TGM4: variants seen among roughly 807,000 people sequenced by gnomAD.
The protein encoded by TGM4 is protein-glutamine gamma-glutamyltransferase 4.
A neutral mutation model predicts 76.3 loss-of-function variants in TGM4; 61 were observed. The ratio of observed to expected loss-of-function variants is 0.80; its 90% CI spans 0.65 to 0.99. TGM4 has a LOEUF of 0.99. Ranked by LOEUF, TGM4 falls within the 50% of genes least tolerant of loss-of-function variation. TGM4 has a pLI of 0.00. For synonymous variants in TGM4, 337 were observed against 329.8 expected (o/e 1.02, Z -0.24); for missense variants, 794 against 843.2 (o/e 0.94, Z 0.72).
chr3:44,901,650 G>T lies in TGM4; in HGVS notation c.784G>T (p.Ala262Ser). 1.2e-6 allele frequency: 2 copies of T among 1,614,202 alleles called. No individual in the cohort carries two copies. The highest frequency in any genetic ancestry group is 1.7e-6 in the Non-Finnish European group (2 of 1,180,018). The change falls in exon 7 of 14, where the codon GCT becomes TCT. Residue 262 changes from alanine to serine, a missense_variant. Coordinates refer to ENST00000296125, the MANE Select transcript of TGM4 (RefSeq NM_003241.4). Reference protein sequence around the residue: ...ILQQYYNTKQAVCFGQCWVFA... With the variant: ...ILQQYYNTKQSVCFGQCWVFA... ...GCAGCAGTACTACAACACGAAGCAG[G>T]CTGTGTGCTTTGGCCAGTGCTGGGT...
At chr3:44,900,685 CA>C (rs1407034820) in intron 6 of TGM4, 1 of 152,202 alleles carries the variant, frequency 6.6e-6, no homozygotes, top group Non-Finnish European at 1.5e-5. Context: ...AGGCCACCAC[CA>C]GATCAAAGAT....
chr3:44,913,553 T>C (rs1381159133), intron 13 of TGM4, 31 bp from the exon 14 acceptor site: 7 of 1,600,696 alleles, frequency 4.4e-6, no homozygotes, highest in Non-Finnish European at 6.0e-6. Context: ...CCTTGGCTGA[T>C]TGTATGTCCG....
At chr3:44,889,102 C>G (rs1194977818) in intron 3 of TGM4, 1 of 139,948 alleles carries the variant, frequency 7.1e-6, no homozygotes, top group Non-Finnish European at 1.5e-5. Flanking sequence ...AGTAATCAGC[C>G]AAGGTCATAC....
At chr3:44,905,561 G>A (rs1390926282) in intron 9 of TGM4, among the ~76,000 whole-genome samples, 2 of 152,218 alleles carry the variant, frequency 1.3e-5, no homozygotes, top group African/African-American at 4.8e-5. Context: ...GTCTACTTGG[G>A]AAGATGGGGA....
intron 1 of TGM4, among the ~76,000 whole-genome samples, chr3:44,882,555 T>C (rs561113165): frequency 2.2e-4 from 34 of 152,374 alleles, no homozygotes; most frequent in Non-Finnish European, 3.5e-4. Flanking sequence ...TCTTGGTTTC[T>C]GGTGGCTCCA....
At chr3:44,880,662 G>A (rs1035219247) in intron 1 of TGM4, among the ~76,000 whole-genome samples, 3 of 152,212 alleles carry the variant, frequency 2.0e-5, no homozygotes, top group African/African-American at 2.4e-5. Flanking sequence ...CCTCTCCAGT[G>A]TCACACAGGA....
intron 3 of TGM4, 103 bp downstream of exon 3, chr3:44,887,898 G>A: frequency 9.9e-7 from 1 of 1,009,378 alleles, no homozygotes; most frequent in Non-Finnish European, 1.5e-6. Flanking sequence ...CTGGTAACAT[G>A]GTTTAAAGCC....
At chr3:44,880,217 C>G (rs1022704185) in intron 1 of TGM4, among the ~76,000 whole-genome samples, 1 of 152,148 alleles carries the variant, frequency 6.6e-6, no homozygotes, top group African/African-American at 2.4e-5. Context: ...TATAAGCTCA[C>G]CTTGAGTGTG....
chr3:44,875,643 GC>G (rs1329829852), intron 1 of TGM4, among the ~76,000 whole-genome samples: 1 of 152,118 alleles, frequency 6.6e-6, no homozygotes. Context: ...CAGCCCACAA[GC>G]CCTCTGTAAC....
At chr3:44,886,174 T>C (rs1158282646) in intron 2 of TGM4, among the ~76,000 whole-genome samples, 1 of 152,114 alleles carries the variant, frequency 6.6e-6, no homozygotes, top group Non-Finnish European at 1.5e-5. Flanking sequence ...TGAAACCCTG[T>C]CTCTACTAAA....
At chr3:44,908,135 G>A (rs1699950713) in intron 10 of TGM4, among the ~76,000 whole-genome samples, 1 of 152,214 alleles carries the variant, frequency 6.6e-6, no homozygotes, top group African/African-American at 2.4e-5. Flanking sequence ...AGGTAGGCCT[G>A]CAGTAAATAT....
intron 10 of TGM4, among the ~76,000 whole-genome samples, chr3:44,909,422 GTTGTAAACAA>G (rs1480842238): frequency 6.6e-6 from 1 of 152,202 alleles, no homozygotes; most frequent in African/African-American, 2.4e-5. Context: ...GGAAACTGCA[GTTGTAAACAA>G]TTGCTGCAGG....
chr3:44,906,858 G>A, intron 9 of TGM4, 91 bp from the exon 10 acceptor site: 1 of 1,561,370 alleles, frequency 6.4e-7, no homozygotes, highest in East Asian at 2.3e-5. Flanking sequence ...TGCCAGTCCT[G>A]TTTGAGTTTG....
chr3:44,913,823 G>A lies in TGM4; in HGVS notation c.*98G>A, dbSNP rs932354810. 1.3e-6 allele frequency: 2 copies of A among 1,503,552 alleles called. No individual in the cohort carries two copies. The highest frequency in any genetic ancestry group is 2.8e-5 in the African/African-American group (2 of 71,350). The allele number at this position is 1,503,552 out of a possible 1,614,324, so 93.1% of individuals were successfully genotyped here. Reference sequence around the variant, plus strand: ...GATGATTAAATTTGATGACTTATATGAGGGCAGATTCAAGAGCCAGCAGGT... The same window carrying A: ...GATGATTAAATTTGATGACTTATATAAGGGCAGATTCAAGAGCCAGCAGGT... On this transcript the variant is annotated 3_prime_UTR_variant, in exon 14 of 14. Coordinates refer to ENST00000296125, the MANE Select transcript of TGM4 (RefSeq NM_003241.4).
rs781151833 is a variant in TGM4 at position 44,910,275 on chromosome 3, A to AAC, written c.1515_1516dup (p.Ile506ThrfsTer35). 1 of 1,614,218 alleles carries AAC rather than the reference A, an allele frequency of 6.2e-7. No homozygotes were observed. The highest frequency in any genetic ancestry group is 1.7e-5 in the Admixed American group (1 of 60,026). Reference sequence around the variant, plus strand: ...GAAGACCGCTGCCCTACAGAATGTCAACATCTTGGGCTCCTTTGAACTACA... The same window carrying AAC: ...GAAGACCGCTGCCCTACAGAATGTCAACACATCTTGGGCTCCTTTGAACTACA... On this transcript the variant is annotated frameshift_variant, in exon 11 of 14. Coordinates refer to ENST00000296125, the MANE Select transcript of TGM4 (RefSeq NM_003241.4). LOFTEE classifies it high-confidence loss of function.
intron 6 of TGM4, among the ~76,000 whole-genome samples, chr3:44,899,852 T>A (rs1699828729): frequency 6.6e-6 from 1 of 152,212 alleles, no homozygotes; most frequent in Non-Finnish European, 1.5e-5. Context: ...TCAGGGCAGC[T>A]CATAGCATGG....
At position 44,896,406 on chromosome 3, in the gene TGM4, C is replaced by T. The variant is rs569732572; in HGVS notation, c.550-303C>T. Among the ~76,000 whole-genome samples, 11 of 152,326 alleles carry T rather than the reference C, an allele frequency of 7.2e-5. No individual in the cohort carries two copies. In the East Asian group the frequency reaches 7.7e-4, roughly 11 times the overall value. ...GATTACAGGCGTGAGCCACCGCACC[C>T]GGCCTGTTTCATTTATTTGACTTGA... On this transcript the variant is annotated intron_variant, in intron 5 of 13. Coordinates refer to ENST00000296125, the MANE Select transcript of TGM4 (RefSeq NM_003241.4).
chr3:44,910,665 C>G (rs1428871822), intron 11 of TGM4, among the ~76,000 whole-genome samples: 2 of 152,024 alleles, frequency 1.3e-5, no homozygotes, highest in Admixed American at 6.5e-5. Flanking sequence ...TCTCAGATGC[C>G]CAGTCAGATC....
Position 44,914,566 on chromosome 3 carries a change from T to G in TGM4, c.*841T>G, listed in dbSNP as rs1196428422. ...GCCCTCCAGAGATTTGCTCAAATGATCAATAAGCTTTAAATTAAACTCTAC... is the reference window on the plus strand; with the variant it reads ...GCCCTCCAGAGATTTGCTCAAATGAGCAATAAGCTTTAAATTAAACTCTAC... On this transcript the variant is annotated 3_prime_UTR_variant, in exon 14 of 14. Coordinates refer to ENST00000296125, the MANE Select transcript of TGM4 (RefSeq NM_003241.4). 1 of 152,178 alleles carries G rather than the reference T, an allele frequency of 6.6e-6. No homozygotes were observed. The highest frequency in any genetic ancestry group is 2.4e-5 in the African/African-American group (1 of 41,426). 9.4% of individuals were successfully genotyped at this position (152,178 alleles called of 1,614,324 possible). A position where few individuals can be genotyped will look rare whatever the true frequency, so the allele number is the denominator to read the frequency against.
Sources: gnomAD v4.1 joint callset for allele counts (sites outside exome capture counted in the v4.1 genomes callset) on GRCh38, gnomAD v4.1.1 for gene constraint, MANE v1.5 for transcripts, NCBI Gene and HGNC (gene_info 2026-07-23, HGNC 2026-07-21) for gene names.